The following HS3ST3A1 variants were observed in gnomAD, a reference collection of about 807,000 sequenced individuals.
The protein encoded by HS3ST3A1 is heparan sulfate glucosamine 3-O-sulfotransferase 3A1.
HS3ST3A1 carries 19 observed loss-of-function variants against 25.7 expected under a neutral mutation model. The observed-to-expected ratio is 0.74, with a 90% confidence interval of 0.52 to 1.08. HS3ST3A1 has a LOEUF of 1.08. Ranked by LOEUF, HS3ST3A1 falls within the 50% of genes least tolerant of loss-of-function variation. The pLI, the probability that HS3ST3A1 is intolerant of heterozygous loss-of-function variation, is 0.00. For synonymous variants in HS3ST3A1, 226 were observed against 278.6 expected, an observed-to-expected ratio of 0.81 and a Z score of 1.88; for missense variants, 459 against 594.3, an observed-to-expected ratio of 0.77 and a Z score of 2.37.
Position 13,601,325 on chromosome 17 carries a change from G to A in HS3ST3A1, c.-196C>T. 2.0e-6 allele frequency: 1 copy of A among 506,476 alleles called. No homozygotes were observed. The highest frequency in any genetic ancestry group is 3.4e-6 in the Non-Finnish European group (1 of 293,288). 31.4% of individuals were successfully genotyped at this position (506,476 alleles called of 1,614,324 possible). ...AACGGAATCCCGGGGGCCCCGCGCA[G>A]GATCCCTGCCTCCAGTCGAGGGAGC... On this transcript the variant is annotated 5_prime_UTR_variant, in exon 1 of 2. Coordinates refer to ENST00000284110, the MANE Select transcript of HS3ST3A1 (RefSeq NM_006042.3).
At chr17:13,533,128 G>C (rs939033341) in intron 1 of HS3ST3A1, among the ~76,000 whole-genome samples, 1 of 151,992 alleles carries the variant, frequency 6.6e-6, no homozygotes, top group African/African-American at 2.4e-5. Context: ...TGTGGAGGAG[G>C]GGGGAACTGT....
intron 1 of HS3ST3A1, among the ~76,000 whole-genome samples, chr17:13,587,090 G>C (rs950540162): frequency 1.3e-5 from 2 of 151,582 alleles, no homozygotes; most frequent in South Asian, 4.2e-4. Flanking sequence ...TTACATATAA[G>C]GTTCTCATTA....
intron 1 of HS3ST3A1, among the ~76,000 whole-genome samples, chr17:13,536,439 C>T (rs1906772489): frequency 6.6e-6 from 1 of 152,180 alleles, no homozygotes; most frequent in South Asian, 2.1e-4. Flanking sequence ...TGGACACAAG[C>T]TTTCTGCTCC....
At chr17:13,568,311 G>A (rs1041589492) in intron 1 of HS3ST3A1, among the ~76,000 whole-genome samples, 4 of 152,162 alleles carry the variant, frequency 2.6e-5, no homozygotes, top group African/African-American at 9.7e-5. Context: ...TATACACACT[G>A]GGAAATCAAA....
At chr17:13,595,834 C>T (rs537526661) in intron 1 of HS3ST3A1, among the ~76,000 whole-genome samples, 5 of 132,284 alleles carry the variant, frequency 3.8e-5, no homozygotes, top group South Asian at 2.5e-4. Context: ...CGGAGAGATA[C>T]GAGGCCTTTT....
chr17:13,575,080 A>G (rs142599493), intron 1 of HS3ST3A1, among the ~76,000 whole-genome samples: 2 of 151,010 alleles, frequency 1.3e-5, no homozygotes, highest in African/African-American at 4.9e-5. Context: ...TAATAATCCC[A>G]TCTCCTTCAG....
In HS3ST3A1 at chr17:13,554,001, A is replaced by G. The variant is rs192496769; in HGVS notation, c.599+46530T>C. Reference sequence around the variant, plus strand: ...ATAAAAACTCTAGACAGGAGTCTGCAAGGAAAATTAGACACAAAGGTAAGG... The same window carrying G: ...ATAAAAACTCTAGACAGGAGTCTGCGAGGAAAATTAGACACAAAGGTAAGG... On this transcript the variant is annotated intron_variant, in intron 1 of 1. Coordinates refer to ENST00000284110, the MANE Select transcript of HS3ST3A1 (RefSeq NM_006042.3). Among the ~76,000 whole-genome samples the G allele has an allele frequency of 3.7e-3, 564 of 152,318 alleles. 5 individuals carry two copies. The highest frequency in any genetic ancestry group is 4.2e-3 in the Non-Finnish European group (287 of 68,020).
At position 13,601,058 on chromosome 17, in the gene HS3ST3A1, C is replaced by G. The variant is rs1908722615; in HGVS notation, c.72G>C (p.Lys24Asn). ...AEPLSRSIFRKFLLMLCSLLT... is the reference protein window; with the variant it reads ...AEPLSRSIFRNFLLMLCSLLT... ...GCAGGGAGCAGAGCATCAGCAAGAA[C>G]TTCCGGAAGATGCTGCGGGACAGCG... Residue 24 changes from lysine (K) to asparagine (N), a missense_variant, in exon 1 of 2, where the codon AAG becomes AAC. Lys to Asn is a moderately conservative substitution (Grantham distance 94). This residue lies in a region of HS3ST3A1 where 346 missense variants were observed against 303.9 expected (regional missense o/e 1.14). Transcript: ENST00000284110. 6.3e-7 allele frequency: 1 copy of G among 1,599,296 alleles called. No individual in the cohort carries two copies. Among genetic ancestry groups the G allele is most frequent in the Non-Finnish European group, 8.5e-7 (1 of 1,173,688 alleles).
intron 1 of HS3ST3A1, among the ~76,000 whole-genome samples, chr17:13,581,300 G>T (rs1908104686): frequency 6.6e-6 from 1 of 151,812 alleles, no homozygotes; most frequent in South Asian, 2.1e-4. Flanking sequence ...AACTCTGTCT[G>T]TACTAAAAAT....
At chr17:13,526,141 G>A (rs1336532603) in intron 1 of HS3ST3A1, among the ~76,000 whole-genome samples, 2 of 151,862 alleles carry the variant, frequency 1.3e-5, no homozygotes, top group Non-Finnish European at 2.9e-5. Flanking sequence ...CTGTGTCACT[G>A]CCCTGCAGTG....
intron 1 of HS3ST3A1, among the ~76,000 whole-genome samples, chr17:13,508,194 C>T (rs367585622): frequency 7.0e-4 from 106 of 152,204 alleles, no homozygotes; most frequent in Middle Eastern, 3.4e-3. Flanking sequence ...AAACTTTTAA[C>T]GACCAGGTAA....
At chr17:13,545,330 A>G in intron 1 of HS3ST3A1, among the ~76,000 whole-genome samples, 1 of 152,258 alleles carries the variant, frequency 6.6e-6, no homozygotes, top group Non-Finnish European at 1.5e-5. Context: ...TGGAGACATC[A>G]GTGCTCATTC....
intron 1 of HS3ST3A1, among the ~76,000 whole-genome samples, chr17:13,518,283 G>A (rs1906118715): frequency 6.6e-6 from 1 of 152,164 alleles, no homozygotes; most frequent in Non-Finnish European, 1.5e-5. Context: ...GAGGACTGCT[G>A]AAAAATCTCT....
intron 1 of HS3ST3A1, among the ~76,000 whole-genome samples, chr17:13,511,400 T>C (rs1905856538): frequency 6.6e-6 from 1 of 152,042 alleles, no homozygotes; most frequent in South Asian, 2.1e-4. Flanking sequence ...GGGAAGTAGT[T>C]AGCTAAGAGA....
At chr17:13,526,478 A>T (rs1309915400) in intron 1 of HS3ST3A1, among the ~76,000 whole-genome samples, 3 of 47,454 alleles carry the variant, frequency 6.3e-5, no homozygotes, top group African/African-American at 3.1e-4. Context: ...TAATTTTTAT[A>T]TATATATATA....
At chr17:13,516,832 G>A (rs1027419228) in intron 1 of HS3ST3A1, among the ~76,000 whole-genome samples, 3 of 152,212 alleles carry the variant, frequency 2.0e-5, no homozygotes, top group Admixed American at 6.5e-5. Flanking sequence ...GATTACAGGC[G>A]CCTGCCACTA....
chr17:13,499,377 GA>G (rs1480578913), intron 1 of HS3ST3A1, among the ~76,000 whole-genome samples: 1 of 152,208 alleles, frequency 6.6e-6, no homozygotes, highest in Non-Finnish European at 1.5e-5. Flanking sequence ...AATTTAATCA[GA>G]TGCGTGAAAA....
chr17:13,545,428 G>T (rs1489443219), intron 1 of HS3ST3A1, among the ~76,000 whole-genome samples: 1 of 152,082 alleles, frequency 6.6e-6, no homozygotes, highest in African/African-American at 2.4e-5. Context: ...TCTTCGATTG[G>T]CCTGCCTTCA....
At chr17:13,535,912 T>C (rs1009582545) in intron 1 of HS3ST3A1, among the ~76,000 whole-genome samples, 4 of 152,126 alleles carry the variant, frequency 2.6e-5, no homozygotes, top group Non-Finnish European at 4.4e-5. Flanking sequence ...AACTAGCAAA[T>C]TCACAGAATT....
Sources: allele counts gnomAD v4.1 joint callset (sites outside exome capture counted in the v4.1 genomes callset), GRCh38; gene constraint gnomAD v4.1.1; regional missense constraint gnomAD v4.1.1; transcripts MANE v1.5; gene names NCBI Gene and HGNC (gene_info 2026-07-23, HGNC 2026-07-21).